The following ATP1B1 variants were observed in gnomAD, a reference collection of about 807,000 sequenced individuals.
ATP1B1 encodes ATPase Na+/K+ transporting subunit beta 1, also known as sodium/potassium-transporting ATPase subunit beta-1.
In ATP1B1, 3 loss-of-function variants were observed where a neutral mutation model predicts 39.6. The observed-to-expected ratio is 0.08, with a 90% CI of 0.03 to 0.20. The LOEUF is 0.20. Ranked by LOEUF, ATP1B1 falls within the 10% of genes least tolerant of loss-of-function variation. The probability of loss-of-function intolerance (pLI) is 1.00; values close to 1 mark genes in which losing one functional copy is unlikely to be tolerated. For synonymous variants in ATP1B1, 139 were observed against 135.0 expected (o/e 1.03, Z -0.20); for missense variants, 216 against 371.1 (o/e 0.58, Z 3.43).
intron 2 of ATP1B1, among the ~76,000 whole-genome samples, chr1:169,122,746 ATTTTTTTTT>A (rs753882699): frequency 1.2e-5 from 1 of 82,404 alleles, no homozygotes; most frequent in African/African-American, 4.3e-5. Flanking sequence ...TTTCAGGATG[ATTTTTTTTT>A]TTTTTTTTTT....
rs1383272453 is a variant in ATP1B1 at position 169,112,261 on chromosome 1, A to G, written c.226+763A>G. ...TCCCTGCTGTGACTTGGGTGCCATC[A>G]GTGTAGAGCTATGTGTGTCCACACC... On this transcript the variant is annotated intron_variant, in intron 2 of 5. Coordinates refer to ENST00000367815, the MANE Select transcript of ATP1B1 (RefSeq NM_001677.4). Among the ~76,000 whole-genome samples, 3 of 152,380 alleles carry G rather than the reference A, an allele frequency of 2.0e-5. No individual in the cohort carries two copies. In the East Asian group the frequency reaches 5.8e-4, roughly 29 times the overall value.
intron 1 of ATP1B1, chr1:169,110,465 A>G (rs1657703008): frequency 5.6e-6 from 1 of 177,356 alleles, no homozygotes; most frequent in Non-Finnish European, 1.1e-5. Flanking sequence ...CAGGACTGCC[A>G]GGCAATGCCT....
At chr1:169,126,972 G>A (rs750972462) in intron 3 of ATP1B1, among the ~76,000 whole-genome samples, 8 of 152,124 alleles carry the variant, frequency 5.3e-5, no homozygotes, top group Non-Finnish European at 1.0e-4. Context: ...TAAATATTAC[G>A]TGCTGATCAA....
chr1:169,128,457 A>G (rs1658133226), intron 4 of ATP1B1, among the ~76,000 whole-genome samples: 1 of 152,220 alleles, frequency 6.6e-6, no homozygotes. Flanking sequence ...AAGTTCCTTT[A>G]TTGCCATCAG....
At chr1:169,115,459 C>T (rs529838567) in intron 2 of ATP1B1, among the ~76,000 whole-genome samples, 1 of 151,532 alleles carries the variant, frequency 6.6e-6, no homozygotes, top group Non-Finnish European at 1.5e-5. Flanking sequence ...AGCGATTCTC[C>T]TGCCTCAGCC....
intron 3 of ATP1B1, 137 bp from the exon 4 acceptor site, chr1:169,127,087 C>A: frequency 1.1e-6 from 1 of 912,248 alleles, no homozygotes; most frequent in Non-Finnish European, 1.5e-6. Context: ...GGAGATCTTG[C>A]TTAATTCAGA....
At chr1:169,121,554 A>G (rs1196626318) in intron 2 of ATP1B1, among the ~76,000 whole-genome samples, 1 of 152,172 alleles carries the variant, frequency 6.6e-6, no homozygotes, top group African/African-American at 2.4e-5. Context: ...AATCTGAGAA[A>G]TGGCATCACT....
intron 3 of ATP1B1, among the ~76,000 whole-genome samples, chr1:169,126,604 A>G: frequency 6.6e-6 from 1 of 152,142 alleles, no homozygotes. Context: ...CCAGCTACTC[A>G]GGATGCTGAG....
chr1:169,109,475 G>C (rs762296324), intron 1 of ATP1B1, among the ~76,000 whole-genome samples: 7 of 152,116 alleles, frequency 4.6e-5, no homozygotes, highest in Admixed American at 1.3e-4. Flanking sequence ...TGACCTCACG[G>C]CAGTAACTAG....
At chr1:169,112,257 C>T (rs1366630545) in intron 2 of ATP1B1, among the ~76,000 whole-genome samples, 3 of 152,226 alleles carry the variant, frequency 2.0e-5, no homozygotes, top group Admixed American at 6.5e-5. Flanking sequence ...ACTTGGGTGC[C>T]ATCAGTGTAG....
intron 2 of ATP1B1, among the ~76,000 whole-genome samples, chr1:169,111,893 G>C (rs1485462203): frequency 6.6e-6 from 1 of 152,102 alleles, no homozygotes; most frequent in African/African-American, 2.4e-5. Flanking sequence ...ACTTCTTGAG[G>C]GGGGCTATGA....
chr1:169,116,009 A>G lies in ATP1B1; in HGVS notation c.226+4511A>G, dbSNP rs1657838956. 2.0e-5 allele frequency among the ~76,000 whole-genome samples: 3 copies of G among 152,234 alleles called. No individual in the cohort carries two copies. The South Asian group carries it at 6.2e-4, about 31-fold the overall frequency. ...GTTGGATCTGGGGAGAGACGCAGCA[A>G]TTAGCTATGCTGGAGAGGGCTGAGC... On this transcript the variant is annotated intron_variant, in intron 2 of 5. Coordinates refer to ENST00000367815, the MANE Select transcript of ATP1B1 (RefSeq NM_001677.4).
intron 2 of ATP1B1, among the ~76,000 whole-genome samples, chr1:169,116,484 A>G (rs983668595): frequency 2.0e-5 from 3 of 152,162 alleles, no homozygotes; most frequent in Admixed American, 1.3e-4. Flanking sequence ...GTGGATGCAG[A>G]CCAGCTGACC....
At chr1:169,116,418 T>C (rs1011544321) in intron 2 of ATP1B1, among the ~76,000 whole-genome samples, 2 of 152,178 alleles carry the variant, frequency 1.3e-5, no homozygotes, top group Admixed American at 6.5e-5. Flanking sequence ...CAGACACATT[T>C]TCAAAGGGTC....
chr1:169,109,594 C>T (rs994132621), intron 1 of ATP1B1, among the ~76,000 whole-genome samples: 8 of 152,176 alleles, frequency 5.3e-5, no homozygotes, highest in Admixed American at 1.3e-4. Flanking sequence ...GCTTAATCGG[C>T]GTACTTGCAA....
intron 3 of ATP1B1, among the ~76,000 whole-genome samples, chr1:169,127,020 A>G (rs1658101075): frequency 6.6e-6 from 1 of 152,224 alleles, no homozygotes; most frequent in Admixed American, 6.5e-5. Flanking sequence ...TATACCAGCT[A>G]TTCCTTTTGG....
chr1:169,114,750 G>A (rs1292609059), intron 2 of ATP1B1, among the ~76,000 whole-genome samples: 1 of 152,182 alleles, frequency 6.6e-6, no homozygotes, highest in Non-Finnish European at 1.5e-5. Context: ...TGCAGCCGGT[G>A]TGGTAGCTCA....
intron 2 of ATP1B1, among the ~76,000 whole-genome samples, chr1:169,121,753 A>G (rs1390045785): frequency 6.6e-6 from 1 of 152,186 alleles, no homozygotes; most frequent in Non-Finnish European, 1.5e-5. Context: ...ATGACCTTCT[A>G]GGGTCACTCC....
At position 169,114,304 on chromosome 1, in the gene ATP1B1, C is replaced by T. The variant is rs543427656; in HGVS notation, c.226+2806C>T. Among the ~76,000 whole-genome samples, 7 of 152,304 alleles carry T rather than the reference C, an allele frequency of 4.6e-5. No homozygotes were observed. The South Asian group carries it at 1.2e-3, about 27-fold the overall frequency. ...TTCACATTAGTATCTTTAAAGCCTC[C>T]ATTTTCATGTTTAGTTAAAGAGGGA... On this transcript the variant is annotated intron_variant, in intron 2 of 5. Coordinates refer to ENST00000367815, the MANE Select transcript of ATP1B1 (RefSeq NM_001677.4).
Sources: allele counts gnomAD v4.1 joint callset (sites outside exome capture counted in the v4.1 genomes callset), GRCh38; gene constraint gnomAD v4.1.1; transcripts MANE v1.5; gene names NCBI Gene and HGNC (gene_info 2026-07-23, HGNC 2026-07-21).